The following ADAM19 variants were observed in gnomAD, a reference collection of about 807,000 sequenced individuals.
ADAM19 encodes the protein disintegrin and metalloproteinase domain-containing protein 19.
ADAM19 carries 65 observed loss-of-function variants against 114.7 expected under a neutral mutation model. The observed-to-expected ratio is 0.57, with a 90% CI of 0.46 to 0.70. The LOEUF (loss-of-function observed/expected upper bound fraction) is 0.70, where lower values mean the gene tolerates loss of function less well. ADAM19 is among the 30% of genes least tolerant of loss of function. The probability of loss-of-function intolerance (pLI) is 0.00; values close to 1 mark genes in which losing one functional copy is unlikely to be tolerated. For synonymous variants in ADAM19, 466 were observed against 460.5 expected, an observed-to-expected ratio of 1.01 and a Z score of -0.15; for missense variants, 1,063 against 1,204.7, an observed-to-expected ratio of 0.88 and a Z score of 1.74.
chr5:157,561,297 C>T (rs1364242204), intron 3 of ADAM19, among the ~76,000 whole-genome samples: 1 of 152,220 alleles, frequency 6.6e-6, no homozygotes, highest in African/African-American at 2.4e-5. Flanking sequence ...TGGCCCATGC[C>T]CCATGCCTTT....
At chr5:157,518,985 T>C (rs1756185203) in intron 6 of ADAM19, 97 bp from the exon 7 acceptor site, 2 of 993,578 alleles carry the variant, frequency 2.0e-6, no homozygotes, top group African/African-American at 3.2e-5. Flanking sequence ...AAGCAGCAGC[T>C]ACCTCCGTAA....
At chr5:157,525,490 C>T (rs894124226) in intron 5 of ADAM19, among the ~76,000 whole-genome samples, 1 of 152,156 alleles carries the variant, frequency 6.6e-6, no homozygotes, top group Non-Finnish European at 1.5e-5. Flanking sequence ...GCTCACCTAG[C>T]CAGTTAATGT....
intron 2 of ADAM19, 101 bp from the exon 3 acceptor site, chr5:157,564,544 G>A: frequency 1.0e-6 from 1 of 983,478 alleles, no homozygotes; most frequent in Non-Finnish European, 1.6e-6. Flanking sequence ...TGATCCACAG[G>A]AAGTGAATGA....
At chr5:157,481,653 T>C in intron 22 of ADAM19, 138 bp downstream of exon 22, 2 of 1,551,600 alleles carry the variant, frequency 1.3e-6, no homozygotes, top group Non-Finnish European at 1.7e-6. Flanking sequence ...AACATGAATG[T>C]TTTGCCCTTG....
intron 18 of ADAM19, among the ~76,000 whole-genome samples, 173 bp downstream of exon 18, chr5:157,491,442 C>A (rs527448413): frequency 5.9e-5 from 9 of 152,364 alleles, no homozygotes; most frequent in African/African-American, 2.2e-4. Flanking sequence ...TGTCCCCACA[C>A]CACACTATGA....
chr5:157,492,419 T>C (rs991295106), intron 16 of ADAM19, among the ~76,000 whole-genome samples: 2 of 152,236 alleles, frequency 1.3e-5, no homozygotes, highest in African/African-American at 4.8e-5. Flanking sequence ...ATTACTTTTG[T>C]GATTAGGGAG....
chr5:157,538,160 G>C (rs1756816640), intron 3 of ADAM19, among the ~76,000 whole-genome samples, 169 bp from the exon 4 acceptor site: 3 of 152,106 alleles, frequency 2.0e-5, no homozygotes, highest in African/African-American at 4.8e-5. Flanking sequence ...CCATAAGTTT[G>C]TTATTAATTT....
At chr5:157,481,067 G>A (rs1754731438) in intron 22 of ADAM19, 65 bp from the exon 23 acceptor site, 4 of 1,604,830 alleles carry the variant, frequency 2.5e-6, no homozygotes, top group Non-Finnish European at 3.4e-6. Flanking sequence ...GATCAAGGGG[G>A]CAGCCATCCT....
intron 2 of ADAM19, chr5:157,570,644 C>T (rs1242976720): frequency 4.9e-6 from 2 of 410,042 alleles, no homozygotes; most frequent in South Asian, 3.9e-5. Flanking sequence ...ACCAACACAT[C>T]TGCACTTAGC....
At chr5:157,565,231 C>T (rs1167165623) in intron 2 of ADAM19, among the ~76,000 whole-genome samples, 1 of 152,066 alleles carries the variant, frequency 6.6e-6, no homozygotes, top group Non-Finnish European at 1.5e-5. Context: ...ACCACCTCCC[C>T]ACGTCCAGAA....
At chr5:157,535,706 A>C (rs1031419379) in intron 4 of ADAM19, among the ~76,000 whole-genome samples, 11 of 152,244 alleles carry the variant, frequency 7.2e-5, no homozygotes, top group Admixed American at 5.9e-4. Context: ...GAGCACAAAG[A>C]ACAAGTCAAG....
chr5:157,573,216 G>T (rs910177740), intron 1 of ADAM19, among the ~76,000 whole-genome samples: 1 of 152,186 alleles, frequency 6.6e-6, no homozygotes, highest in Non-Finnish European at 1.5e-5. Context: ...CATAGTACAT[G>T]TTAAGAAAAG....
Position 157,477,312 on chromosome 5 carries a change from C to G in ADAM19, c.*3637G>C. 1 of 1,000,978 alleles carries G rather than the reference C, an allele frequency of 1.0e-6. No individual in the cohort carries two copies. The highest frequency in any genetic ancestry group is 1.2e-6 in the Non-Finnish European group (1 of 838,338). 62.0% of individuals were successfully genotyped at this position (1,000,978 alleles called of 1,614,324 possible). On this transcript the variant is annotated 3_prime_UTR_variant, in exon 23 of 23. Coordinates refer to ENST00000257527, the MANE Select transcript of ADAM19 (RefSeq NM_033274.5). ...AGAGCTGCCAAACCAGATAACATTG[C>G]AAATGACAAACAATTCATTTTTAAT...
chr5:157,484,726 C>T (rs1754876621), intron 21 of ADAM19, among the ~76,000 whole-genome samples: 1 of 152,228 alleles, frequency 6.6e-6, no homozygotes, highest in Non-Finnish European at 1.5e-5. Flanking sequence ...CCACCACCTT[C>T]CCCAGCTCAG....
At chr5:157,575,168 G>T (rs986821608) in intron 1 of ADAM19, among the ~76,000 whole-genome samples, 1 of 152,234 alleles carries the variant, frequency 6.6e-6, no homozygotes, top group Non-Finnish European at 1.5e-5. Context: ...CCAGGAAGCC[G>T]CTCCCAGGCC....
intron 15 of ADAM19, among the ~76,000 whole-genome samples, chr5:157,493,534 T>C (rs940086684): frequency 1.3e-5 from 2 of 151,972 alleles, no homozygotes; most frequent in Non-Finnish European, 2.9e-5. Context: ...AACTCCCCAT[T>C]CTCCCTCACT....
chr5:157,567,809 A>AT (rs1176226131), intron 2 of ADAM19, among the ~76,000 whole-genome samples: 1 of 151,976 alleles, frequency 6.6e-6, no homozygotes, highest in East Asian at 1.9e-4. Flanking sequence ...ACAAAAAAAA[A>AT]AAATAAAAAA....
At chr5:157,539,772 A>G (rs1267101791) in intron 3 of ADAM19, among the ~76,000 whole-genome samples, 1 of 152,126 alleles carries the variant, frequency 6.6e-6, no homozygotes, top group African/African-American at 2.4e-5. Flanking sequence ...GGGAGGAGTC[A>G]CCCATTTGCC....
chr5:157,505,153 A>G (rs1581309258), intron 11 of ADAM19, among the ~76,000 whole-genome samples: 1 of 148,374 alleles, frequency 6.7e-6, no homozygotes, highest in East Asian at 2.0e-4. Flanking sequence ...CCTCATGACC[A>G]CAGGGAGATG....
Sources: allele counts gnomAD v4.1 joint callset (sites outside exome capture counted in the v4.1 genomes callset), GRCh38; gene constraint gnomAD v4.1.1; transcripts MANE v1.5; gene names NCBI Gene and HGNC (gene_info 2026-07-23, HGNC 2026-07-21).